The following AGBL4 variants were observed in gnomAD, a reference collection of about 807,000 sequenced individuals.
AGBL4 encodes cytosolic carboxypeptidase 6.
Under a neutral mutation model 66.4 loss-of-function variants are expected in AGBL4, and 58 were observed. The observed-to-expected ratio is 0.87, with a 90% CI of 0.71 to 1.09. The LOEUF (loss-of-function observed/expected upper bound fraction) is 1.09, where lower values mean the gene tolerates loss of function less well. Ranked by LOEUF, AGBL4 falls within the 50% of genes least tolerant of loss-of-function variation. The pLI is 0.00. For synonymous variants in AGBL4, 234 were observed against 222.9 expected (o/e 1.05, Z -0.44); for missense variants, 579 against 631.0 (o/e 0.92, Z 0.88).
intron 6 of AGBL4, among the ~76,000 whole-genome samples, chr1:48,697,075 C>A (rs186942781): frequency 6.6e-6 from 1 of 152,304 alleles, no homozygotes; most frequent in African/African-American, 2.4e-5. Context: ...TGACATGTTT[C>A]TATATCTGGG....
At chr1:49,214,327 T>C (rs996483676) in intron 4 of AGBL4, among the ~76,000 whole-genome samples, 2 of 152,100 alleles carry the variant, frequency 1.3e-5, no homozygotes, top group Admixed American at 6.6e-5. Flanking sequence ...GCTGGTGTAA[T>C]TGGAGCAGAA....
intron 3 of AGBL4, among the ~76,000 whole-genome samples, chr1:49,644,907 G>T (rs1047708253): frequency 6.6e-6 from 1 of 151,466 alleles, no homozygotes; most frequent in Non-Finnish European, 1.5e-5. Context: ...TTACATCAAG[G>T]ATTCAAATCA....
intron 5 of AGBL4, among the ~76,000 whole-genome samples, chr1:48,879,012 T>C (rs1185525950): frequency 6.6e-6 from 1 of 152,142 alleles, no homozygotes; most frequent in Non-Finnish European, 1.5e-5. Flanking sequence ...GAGGAAAGAA[T>C]CCAGATCTAA....
At chr1:48,639,775 T>C (rs978434275) in intron 8 of AGBL4, among the ~76,000 whole-genome samples, 3 of 152,166 alleles carry the variant, frequency 2.0e-5, no homozygotes, top group Non-Finnish European at 2.9e-5. Context: ...GTATAGCATG[T>C]GCAAAGTTAG....
At chr1:48,566,693 A>G (rs746885482) in intron 11 of AGBL4, among the ~76,000 whole-genome samples, 3 of 152,246 alleles carry the variant, frequency 2.0e-5, no homozygotes, top group Admixed American at 1.3e-4. Flanking sequence ...GCCTCATTCA[A>G]TCAGTTGAAG....
chr1:49,032,134 T>C (rs1322699858), intron 5 of AGBL4, among the ~76,000 whole-genome samples: 2 of 152,132 alleles, frequency 1.3e-5, no homozygotes, highest in Non-Finnish European at 2.9e-5. Flanking sequence ...AAGGCCAGTG[T>C]GGGTAGACCA....
At chr1:49,775,727 A>G (rs1644178696) in intron 2 of AGBL4, among the ~76,000 whole-genome samples, 1 of 152,116 alleles carries the variant, frequency 6.6e-6, no homozygotes, top group African/African-American at 2.4e-5. Context: ...TGTCTTATAC[A>G]TCATAGAAAT....
intron 3 of AGBL4, among the ~76,000 whole-genome samples, chr1:49,364,849 T>C (rs1214350287): frequency 6.6e-6 from 1 of 152,184 alleles, no homozygotes; most frequent in Non-Finnish European, 1.5e-5. Context: ...ATTGCCAAGC[T>C]CAAACAGATG....
chr1:49,820,876 CACA>C (rs1345393576), intron 2 of AGBL4, among the ~76,000 whole-genome samples: 1 of 152,104 alleles, frequency 6.6e-6, no homozygotes, highest in Admixed American at 6.5e-5. Flanking sequence ...TTAGTCAAGT[CACA>C]ACTTCTCTAA....
At chr1:49,992,811 C>G (rs533413987) in intron 1 of AGBL4, among the ~76,000 whole-genome samples, 1 of 152,152 alleles carries the variant, frequency 6.6e-6, no homozygotes, top group Admixed American at 6.5e-5. Context: ...CTTGAGGACT[C>G]TCACTCCTAT....
At chr1:48,837,576 C>T (rs865859192) in intron 6 of AGBL4, among the ~76,000 whole-genome samples, 2 of 151,292 alleles carry the variant, frequency 1.3e-5, no homozygotes, top group South Asian at 2.1e-4. Flanking sequence ...TCTTCAGCTT[C>T]GGGACTGGGA....
At chr1:49,298,399 G>T (rs899755987) in intron 3 of AGBL4, among the ~76,000 whole-genome samples, 3 of 152,182 alleles carry the variant, frequency 2.0e-5, no homozygotes, top group Non-Finnish European at 4.4e-5. Flanking sequence ...AGTTATTACC[G>T]TCATCATCTC....
chr1:48,837,709 C>CTATATATATATATAT (rs1310220715), intron 6 of AGBL4, among the ~76,000 whole-genome samples: 2 of 75,084 alleles, frequency 2.7e-5, no homozygotes, highest in African/African-American at 1.1e-4. Context: ...CACACACACA[C>CTATATATATATATAT]ACTATATATA....
At chr1:49,837,170 C>G (rs1448845826) in intron 2 of AGBL4, among the ~76,000 whole-genome samples, 3 of 152,210 alleles carry the variant, frequency 2.0e-5, no homozygotes, top group African/African-American at 4.8e-5. Context: ...CCCCTTCCCC[C>G]CAGGTGCTCT....
chr1:49,407,065 C>CA (rs57974289), intron 3 of AGBL4, among the ~76,000 whole-genome samples: 3,726 of 25,622 alleles, frequency 0.15, 811 homozygotes, highest in African/African-American at 0.34. Context: ...ACTCTGCCTC[C>CA]AAAAAAAAAA....
chr1:49,150,349 C>G (rs1646303489), intron 4 of AGBL4, among the ~76,000 whole-genome samples: 1 of 152,140 alleles, frequency 6.6e-6, no homozygotes, highest in Non-Finnish European at 1.5e-5. Context: ...GGCAATCTTT[C>G]ACAATTTGTA....
chr1:49,528,395 A>G (rs1006849929), intron 3 of AGBL4, among the ~76,000 whole-genome samples: 3 of 152,072 alleles, frequency 2.0e-5, no homozygotes, highest in Admixed American at 2.0e-4. Context: ...ACTTCTATAT[A>G]ATTTGGCTCC....
chr1:49,945,884 G>T (rs551628925), intron 1 of AGBL4, among the ~76,000 whole-genome samples: 1 of 151,896 alleles, frequency 6.6e-6, no homozygotes, highest in Non-Finnish European at 1.5e-5. Context: ...CAAGCAAATG[G>T]ACAACGAAAG....
At chr1:49,857,318 A>G (rs1235947257) in intron 1 of AGBL4, among the ~76,000 whole-genome samples, 1 of 152,178 alleles carries the variant, frequency 6.6e-6, no homozygotes, top group Admixed American at 6.5e-5. Context: ...TACAGAGCCA[A>G]TGTAATCCCT....
Sources: gnomAD v4.1 joint callset for allele counts (sites outside exome capture counted in the v4.1 genomes callset) on GRCh38, gnomAD v4.1.1 for gene constraint, MANE v1.5 for transcripts, NCBI Gene and HGNC (gene_info 2026-07-23, HGNC 2026-07-21) for gene names.